The following B3GALNT2 variants were observed in gnomAD, a reference collection of about 807,000 sequenced individuals.
B3GALNT2 encodes the protein UDP-GalNAc:beta-1,3-N-acetylgalactosaminyltransferase 2.
A neutral mutation model predicts 61.1 loss-of-function variants in B3GALNT2; 53 were observed. The observed-to-expected ratio is 0.87, with a 90% confidence interval of 0.70 to 1.09. The LOEUF (loss-of-function observed/expected upper bound fraction) is 1.09. Ranked by LOEUF, B3GALNT2 falls within the 50% of genes least tolerant of loss-of-function variation. The pLI, the probability that B3GALNT2 is intolerant of heterozygous loss-of-function variation, is 0.00. For synonymous variants in B3GALNT2, 223 were observed against 237.4 expected (o/e 0.94, Z 0.56); for missense variants, 544 against 623.0 (o/e 0.87, Z 1.35).
Position 235,448,673 on chromosome 1 carries a change from C to A in B3GALNT2, c.*1533G>T, listed in dbSNP as rs1303393927. 1 of 1,613,260 alleles carries A rather than the reference C, an allele frequency of 6.2e-7. No homozygotes were observed. The highest frequency in any genetic ancestry group is 1.7e-5 in the Admixed American group (1 of 60,006). ...CCCACCTTCGTTCTAATTTTAGAAG[C>A]CGGGCAGAGAAATCGAGCTGGAAAA... On this transcript the variant is annotated 3_prime_UTR_variant, in exon 12 of 12. Transcript: ENST00000366600.
At chr1:235,496,641 G>A (rs1685339033) in intron 1 of B3GALNT2, among the ~76,000 whole-genome samples, 1 of 151,604 alleles carries the variant, frequency 6.6e-6, no homozygotes, top group Non-Finnish European at 1.5e-5. Flanking sequence ...TGCCGCCCGG[G>A]TTCAAGTGAT....
rs1683655565 is a variant in B3GALNT2 at position 235,465,636 on chromosome 1, C to T, written c.841G>A (p.Glu281Lys). 1.2e-6 allele frequency: 2 copies of T among 1,613,408 alleles called. No individual in the cohort carries two copies. Among genetic ancestry groups the T allele is most frequent in the East Asian group, 4.5e-5 (2 of 44,862 alleles). The change falls in exon 7 of 12, where the codon GAA becomes AAA. Residue 281 changes from glutamate to lysine, a missense_variant and splice_region_variant. By Grantham distance (56) the Glu-to-Lys change is moderately conservative. Coordinates refer to ENST00000366600, the MANE Select transcript of B3GALNT2 (RefSeq NM_152490.5). ...VAGGFIYTIQ[E>K]GDALLHNLHS... ...TTCAAGTTTCAACTAGCAAACTTAC[C>T]CTGAATAGTATATATAAAACCACCT...
rs978171101 is a variant in B3GALNT2 at position 235,452,715 on chromosome 1, A to G, written c.1368+375T>C. 6.6e-5 allele frequency among the ~76,000 whole-genome samples: 10 copies of G among 151,992 alleles called. No individual in the cohort carries two copies. In the East Asian group the frequency reaches 1.9e-3, roughly 29 times the overall value. On this transcript the variant is annotated intron_variant, in intron 11 of 11. Transcript: ENST00000366600. ...CAGGCAGGCGCTGCCATGCCCAGCT[A>G]ATTTTTTTGTAGTTTTTGTAGAGAC...
At chr1:235,446,839 T>C, downstream of B3GALNT2, among the ~76,000 whole-genome samples, 1 of 151,832 alleles carries the variant, frequency 6.6e-6, no homozygotes, top group East Asian at 1.9e-4. Context: ...CGTACATCGC[T>C]ATGCTTGGCT....
chr1:235,482,805 T>TA (rs1316117233), intron 4 of B3GALNT2, among the ~76,000 whole-genome samples: 3 of 151,684 alleles, frequency 2.0e-5, no homozygotes, highest in Admixed American at 1.3e-4. Flanking sequence ...CCAGCTCAGG[T>TA]AAAAGAGCGA....
chr1:235,471,910 ACCCTGGCCT>A (rs970856863), intron 5 of B3GALNT2, among the ~76,000 whole-genome samples: 4 of 150,474 alleles, frequency 2.7e-5, no homozygotes, highest in African/African-American at 9.8e-5. Flanking sequence ...TGATCTGCCC[ACCCTGGCCT>A]CCCAAAGTGC....
chr1:235,496,746 A>G (rs1685344089), intron 1 of B3GALNT2, among the ~76,000 whole-genome samples: 1 of 152,020 alleles, frequency 6.6e-6, no homozygotes, highest in Non-Finnish European at 1.5e-5. Context: ...GAGTTTCACC[A>G]TCTTGGCCAG....
rs1558402910 is a variant in B3GALNT2 at position 235,449,153 on chromosome 1, A to ATGAT, written c.*1049_*1052dup. The stretch of plus-strand genomic sequence containing the variant: ...CTACTATTTTAAAGGGTTACTAGAA[A>ATGAT]TGATTTGGTTGGTCATTTTGGGAAA... On this transcript the variant is annotated 3_prime_UTR_variant, in exon 12 of 12. Transcript: ENST00000366600. 8.0e-6 allele frequency: 2 copies of ATGAT among 250,036 alleles called. No individual in the cohort carries two copies. Among genetic ancestry groups the ATGAT allele is most frequent in the East Asian group, 1.1e-4 (1 of 9,466 alleles). 15.5% of individuals were successfully genotyped at this position (250,036 alleles called of 1,614,324 possible). A position where few individuals can be genotyped will look rare whatever the true frequency, so the allele number is the denominator to read the frequency against.
intron 1 of B3GALNT2, among the ~76,000 whole-genome samples, chr1:235,499,329 T>A (rs1038462436): frequency 2.6e-5 from 4 of 152,244 alleles, no homozygotes; most frequent in African/African-American, 9.6e-5. Context: ...AGGGAACTTC[T>A]GAAGCACTGA....
At chr1:235,497,864 A>G (rs556455380) in intron 1 of B3GALNT2, among the ~76,000 whole-genome samples, 2 of 152,322 alleles carry the variant, frequency 1.3e-5, no homozygotes, top group South Asian at 4.1e-4. Context: ...ACCATGTGAC[A>G]TGTGAAAATC....
intron 7 of B3GALNT2, among the ~76,000 whole-genome samples, chr1:235,462,854 A>G (rs1683495331): frequency 6.6e-6 from 1 of 152,214 alleles, no homozygotes; most frequent in Non-Finnish European, 1.5e-5. Context: ...TTGAAGAACT[A>G]AAGGTAGATC....
chr1:235,476,093 TA>T (rs1439887854), intron 5 of B3GALNT2, among the ~76,000 whole-genome samples: 1 of 152,222 alleles, frequency 6.6e-6, no homozygotes, highest in Non-Finnish European at 1.5e-5. Flanking sequence ...CACAAGGCTA[TA>T]GTCATTAAAA....
chr1:235,446,383 G>T (rs1278231746), downstream of B3GALNT2, among the ~76,000 whole-genome samples: 3 of 152,078 alleles, frequency 2.0e-5, no homozygotes, highest in Admixed American at 6.6e-5. Context: ...CTCCATGTTG[G>T]CCAGGCTGGT....
the B3GALNT2 span, chr1:235,440,679 C>A: frequency 6.6e-6 from 1 of 152,302 alleles, no homozygotes; most frequent in Non-Finnish European, 1.5e-5. Flanking sequence ...CAGGCGAGAG[C>A]CACCGCGCCC....
chr1:235,443,185 C>CACATAT (rs375134195), downstream of B3GALNT2, among the ~76,000 whole-genome samples: 16 of 139,838 alleles, frequency 1.1e-4, no homozygotes, highest in South Asian at 5.4e-4. Flanking sequence ...CACACACACA[C>CACATAT]ATATATATAT....
chr1:235,496,887 T>TA (rs1415085908), intron 1 of B3GALNT2, among the ~76,000 whole-genome samples: 1 of 152,148 alleles, frequency 6.6e-6, no homozygotes, highest in African/African-American at 2.4e-5. Flanking sequence ...TTCAGTAACT[T>TA]AAGTCAAACA....
intron 1 of B3GALNT2, among the ~76,000 whole-genome samples, chr1:235,495,471 A>G (rs1685275234): frequency 6.6e-6 from 1 of 152,142 alleles, no homozygotes; most frequent in Admixed American, 6.6e-5. Flanking sequence ...AATGAATTCT[A>G]TAGCCAGTAA....
At chr1:235,459,460 A>G (rs1020499771) in intron 7 of B3GALNT2, among the ~76,000 whole-genome samples, 4 of 152,140 alleles carry the variant, frequency 2.6e-5, no homozygotes, top group African/African-American at 7.2e-5. Flanking sequence ...CCATCTCTAA[A>G]TAAAATTTAA....
intron 7 of B3GALNT2, among the ~76,000 whole-genome samples, chr1:235,461,885 A>G (rs1044244156): frequency 1.3e-5 from 2 of 152,178 alleles, no homozygotes; most frequent in East Asian, 3.8e-4. Context: ...TTCACCAGAA[A>G]CCATGCTTTG....
Sources: gnomAD v4.1 joint callset for allele counts (sites outside exome capture counted in the v4.1 genomes callset) on GRCh38, gnomAD v4.1.1 for gene constraint, MANE v1.5 for transcripts, NCBI Gene and HGNC (gene_info 2026-07-23, HGNC 2026-07-21) for gene names.